The following GALNT13 variants were observed in gnomAD, a reference collection of about 807,000 sequenced individuals.
GALNT13 encodes the protein UDP-GalNAc:polypeptide N-acetylgalactosaminyltransferase 13.
In GALNT13, 28 loss-of-function variants were observed where a neutral mutation model predicts 64.2. The observed-to-expected ratio is 0.44, with a 90% confidence interval of 0.32 to 0.60. The LOEUF is 0.60. GALNT13 is among the 20% of genes least tolerant of loss of function. The pLI is 0.05. For missense variants in GALNT13, 577 were observed against 669.8 expected (o/e 0.86, Z 1.53); for synonymous variants, 214 against 224.6 (o/e 0.95, Z 0.42).
At chr2:153,367,016 C>A in the GALNT13 span, among the ~76,000 whole-genome samples, 64 of 148,216 alleles carry the variant, frequency 4.3e-4, no homozygotes, top group African/African-American at 4.7e-4. Context: ...AACAAACAAA[C>A]AAAAAAAAAA....
the GALNT13 span, among the ~76,000 whole-genome samples, chr2:153,312,967 A>C: frequency 4.6e-5 from 7 of 152,208 alleles, no homozygotes; most frequent in African/African-American, 1.7e-4. Flanking sequence ...CAAATAAAAA[A>C]AATTATTACT....
chr2:153,454,085 A>T, the GALNT13 span, among the ~76,000 whole-genome samples: 7 of 152,148 alleles, frequency 4.6e-5, no homozygotes. Context: ...CATGACCATA[A>T]AGCTGGCAAC....
intron 4 of GALNT13, among the ~76,000 whole-genome samples, chr2:154,224,311 G>T (rs1399700119): frequency 6.6e-6 from 1 of 151,956 alleles, no homozygotes; most frequent in African/African-American, 2.4e-5. Flanking sequence ...GCATTTCATG[G>T]TATATAAATT....
At chr2:153,709,795 A>G in the GALNT13 span, among the ~76,000 whole-genome samples, 7 of 152,204 alleles carry the variant, frequency 4.6e-5, no homozygotes, top group South Asian at 1.4e-3. Context: ...ATATGTAATG[A>G]AATAATATTC....
chr2:153,893,572 G>A (rs10182299), intron 1 of GALNT13, among the ~76,000 whole-genome samples: 117,342 of 151,928 alleles, frequency 0.77, 45,717 homozygotes, highest in East Asian at 0.96. Flanking sequence ...ATAGGCACAT[G>A]TATTTACATA....
At chr2:153,655,790 A>T in the GALNT13 span, among the ~76,000 whole-genome samples, 1 of 152,126 alleles carries the variant, frequency 6.6e-6, no homozygotes, top group African/African-American at 2.4e-5. Context: ...TATCACTAGA[A>T]TATTTGAGAA....
chr2:154,055,798 T>C (rs1276597844), intron 3 of GALNT13, among the ~76,000 whole-genome samples: 3 of 152,130 alleles, frequency 2.0e-5, no homozygotes, highest in Admixed American at 1.3e-4. Flanking sequence ...ATTAGAAATA[T>C]TGCATTTTTA....
chr2:153,132,453 A>G, the GALNT13 span, among the ~76,000 whole-genome samples: 1 of 152,220 alleles, frequency 6.6e-6, no homozygotes, highest in Non-Finnish European at 1.5e-5. Context: ...AAAAAGTAAT[A>G]GAGACTACCC....
the GALNT13 span, among the ~76,000 whole-genome samples, chr2:153,152,640 TAAGTG>T: frequency 6.6e-6 from 1 of 152,130 alleles, no homozygotes; most frequent in Non-Finnish European, 1.5e-5. Context: ...CTCTCCCTGA[TAAGTG>T]AGGACATGTA....
At chr2:154,083,988 A>G (rs1468474945) in intron 3 of GALNT13, among the ~76,000 whole-genome samples, 1 of 151,806 alleles carries the variant, frequency 6.6e-6, no homozygotes, top group Non-Finnish European at 1.5e-5. Flanking sequence ...CATATCTGCA[A>G]CCTAAGGACT....
At chr2:153,818,439 G>C in the GALNT13 span, among the ~76,000 whole-genome samples, 1 of 152,138 alleles carries the variant, frequency 6.6e-6, no homozygotes, top group Non-Finnish European at 1.5e-5. Flanking sequence ...CTCTACCTCT[G>C]TCTGAACACC....
At chr2:154,353,343 G>A (rs536454317) in intron 9 of GALNT13, among the ~76,000 whole-genome samples, 8 of 152,086 alleles carry the variant, frequency 5.3e-5, no homozygotes, top group African/African-American at 1.9e-4. Context: ...TGAAGTTATG[G>A]GATACATATA....
chr2:153,812,435 G>A, the GALNT13 span, among the ~76,000 whole-genome samples: 1 of 152,122 alleles, frequency 6.6e-6, no homozygotes, highest in Non-Finnish European at 1.5e-5. Context: ...TCTTGCAAGG[G>A]AAAGAGAAGG....
chr2:153,186,836 G>A, the GALNT13 span, among the ~76,000 whole-genome samples: 1 of 152,198 alleles, frequency 6.6e-6, no homozygotes, highest in African/African-American at 2.4e-5. Flanking sequence ...AAAGTGCTGG[G>A]ATTACAGGCA....
At chr2:153,875,210 G>A (rs1212089991) in intron 1 of GALNT13, among the ~76,000 whole-genome samples, 1 of 151,944 alleles carries the variant, frequency 6.6e-6, no homozygotes, top group African/African-American at 2.4e-5. Flanking sequence ...AGTAATAATA[G>A]AAATCCATGG....
chr2:154,207,329 T>G (rs1687519185), intron 4 of GALNT13, among the ~76,000 whole-genome samples: 1 of 152,198 alleles, frequency 6.6e-6, no homozygotes, highest in African/African-American at 2.4e-5. Flanking sequence ...TGTCTCCTTT[T>G]GTTGCTCTCC....
chr2:153,151,921 G>A, the GALNT13 span, among the ~76,000 whole-genome samples: 1 of 151,958 alleles, frequency 6.6e-6, no homozygotes, highest in African/African-American at 2.4e-5. Context: ...CATGGCACAT[G>A]TATACATATG....
At chr2:154,337,511 TTAAAA>T (rs773673867) in intron 9 of GALNT13, among the ~76,000 whole-genome samples, 11 of 152,172 alleles carry the variant, frequency 7.2e-5, no homozygotes, top group South Asian at 6.2e-4. Context: ...GTTTTAAAAT[TTAAAA>T]TAAAATATTT....
chr2:153,163,894 T>C, the GALNT13 span, among the ~76,000 whole-genome samples: 1 of 151,804 alleles, frequency 6.6e-6, no homozygotes, highest in Non-Finnish European at 1.5e-5. Context: ...GGCGGGCGCC[T>C]GTAGTCCCAG....
Sources: gnomAD v4.1 joint callset for allele counts (sites outside exome capture counted in the v4.1 genomes callset) on GRCh38, gnomAD v4.1.1 for gene constraint, MANE v1.5 for transcripts, NCBI Gene and HGNC (gene_info 2026-07-23, HGNC 2026-07-21) for gene names.